PRMT8: variants seen among roughly 807,000 people sequenced by gnomAD.
PRMT8 encodes the protein protein arginine methyltransferase 8, also known as protein arginine N-methyltransferase 8.
A neutral mutation model predicts 47.1 loss-of-function variants in PRMT8; 7 were observed. The ratio of observed to expected loss-of-function variants is 0.15; its 90% CI spans 0.08 to 0.28. The LOEUF is 0.28. PRMT8 is among the 10% of genes least tolerant of loss of function. The probability of loss-of-function intolerance (pLI) is 1.00; values close to 1 mark genes in which losing one functional copy is unlikely to be tolerated. For synonymous variants in PRMT8, 188 were observed against 186.5 expected, an observed-to-expected ratio of 1.01 and a Z score of -0.07; for missense variants, 237 against 505.4, an observed-to-expected ratio of 0.47 and a Z score of 5.09.
At chr12:3,488,976 C>A (rs985822383), upstream of PRMT8, among the ~76,000 whole-genome samples, 38 of 152,300 alleles carry the variant, frequency 2.5e-4, no homozygotes, top group Middle Eastern at 6.8e-3. Context: ...GACAGCTCAA[C>A]AGGGGGCTAG....
At chr12:3,420,198 A>T (rs1367742298) in intron 1 of PRMT8, among the ~76,000 whole-genome samples, 2 of 152,106 alleles carry the variant, frequency 1.3e-5, no homozygotes, top group Non-Finnish European at 2.9e-5. Context: ...CGGCAGACTC[A>T]AAACTCTCTC....
intron 1 of PRMT8, among the ~76,000 whole-genome samples, chr12:3,450,394 A>T (rs541901908): frequency 6.6e-6 from 1 of 152,366 alleles, no homozygotes; most frequent in South Asian, 2.1e-4. Context: ...TCATTATACA[A>T]GAGAAATTAC....
rs2137054992 is a variant in PRMT8 at position 3,409,193 on chromosome 12, G to A, written c.48+27751G>A. On this transcript the variant is annotated intron_variant, in intron 1 of 9. Transcript: ENST00000452611. The surrounding 1 kb of genome is among the most constrained non-coding windows in gnomAD (Gnocchi z 4.4). ...ACAAAGCTGGTGTCGGTGACTCTGAGGCACACTGCAGCAGCTCAGGCCCTG... is the reference window on the plus strand; with the variant it reads ...ACAAAGCTGGTGTCGGTGACTCTGAAGCACACTGCAGCAGCTCAGGCCCTG... Among the ~76,000 whole-genome samples, 1 of 152,294 alleles carries A rather than the reference G, an allele frequency of 6.6e-6. No homozygotes were observed. The highest frequency in any genetic ancestry group is 6.5e-5 in the Admixed American group (1 of 15,300).
At chr12:3,410,855 A>T (rs1038029445) in intron 1 of PRMT8, among the ~76,000 whole-genome samples, 1 of 152,218 alleles carries the variant, frequency 6.6e-6, no homozygotes. Context: ...TTGGTCTGCC[A>T]TAGCAATCCT....
rs75967673 is a variant in PRMT8, at chr12:3,559,296, C to T, written c.481+5582C>T. Among the ~76,000 whole-genome samples, 350 of 152,246 alleles carry T rather than the reference C, an allele frequency of 2.3e-3. 1 individual carries two copies. Among genetic ancestry groups the T allele is most frequent in the Admixed American group, 4.0e-3 (61 of 15,304 alleles). On this transcript the variant is annotated intron_variant, in intron 4 of 9. Coordinates refer to ENST00000382622, the MANE Select transcript of PRMT8 (RefSeq NM_019854.5). ...CAAGACATTCCAGGCTTGTCTTGTGCCTCCATGCCTCTGTTCTGGAATCAG... is the reference window on the plus strand; with the variant it reads ...CAAGACATTCCAGGCTTGTCTTGTGTCTCCATGCCTCTGTTCTGGAATCAG...
At chr12:3,498,313 G>A (rs1437546470) in intron 1 of PRMT8, among the ~76,000 whole-genome samples, 3 of 152,234 alleles carry the variant, frequency 2.0e-5, no homozygotes, top group African/African-American at 7.2e-5. Flanking sequence ...GCTAGGCTGC[G>A]AAGGCATGAG....
At chr12:3,553,889 C>T (rs1368857382) in intron 4 of PRMT8, among the ~76,000 whole-genome samples, 175 bp downstream of exon 4, 2 of 152,212 alleles carry the variant, frequency 1.3e-5, no homozygotes, top group South Asian at 4.1e-4. Flanking sequence ...TTCCCCCCGA[C>T]ACCAGGCCAG....
In PRMT8 at chr12:3,496,215, T is replaced by TATATATATATATATA. The variant is rs1555085719; in HGVS notation, c.75+4515_75+4516insATATATATATATATA. ...TTGGAAACTGATATATATATATATATTTTTTTTTTTTTTTTTTTTTTTTTT... is the reference window on the plus strand; with the variant it reads ...TTGGAAACTGATATATATATATATATATATATATATATATATTTTTTTTTTTTTTTTTTTTTTTTT... On this transcript the variant is annotated intron_variant, in intron 1 of 9. Coordinates refer to ENST00000382622, the MANE Select transcript of PRMT8 (RefSeq NM_019854.5). Among the ~76,000 whole-genome samples the TATATATATATATATA allele has an allele frequency of 2.4e-3, 59 of 24,266 alleles. 2 individuals are homozygous for TATATATATATATATA. Among genetic ancestry groups the TATATATATATATATA allele is most frequent in the South Asian group, 5.0e-3 (3 of 596 alleles). 15.9% of individuals were successfully genotyped at this position (24,266 alleles called of 152,430 possible).
chr12:3,381,471 CCTTT>C, intron 1 of PRMT8: 1 of 1,534,836 alleles, frequency 6.5e-7, no homozygotes, highest in Non-Finnish European at 8.7e-7. Flanking sequence ...TAATTTCTTT[CCTTT>C]CTTCTTCCTG....
chr12:3,592,272 T>C lies in PRMT8; in HGVS notation c.1021T>C (p.Tyr341His). The change falls in exon 9 of 10, where the codon TAC (tyrosine) becomes CAC (histidine). Residue 341 changes from tyrosine to histidine, a missense_variant. Transcript: ENST00000382622. The stretch of plus-strand genomic sequence containing the variant: ...CACCCACTGGAAGCAGACCGTCTTC[T>C]ACTTGGAAGATTACCTCACTGTCCG... ...PYTHWKQTVF[Y>H]LEDYLTVRRG... 6.3e-7 allele frequency: 1 copy of C among 1,596,480 alleles called. No individual in the cohort carries two copies. Among genetic ancestry groups the C allele is most frequent in the Non-Finnish European group, 8.5e-7 (1 of 1,172,804 alleles).
intron 4 of PRMT8, among the ~76,000 whole-genome samples, chr12:3,556,428 G>C (rs898920282): frequency 6.6e-6 from 1 of 152,026 alleles, no homozygotes; most frequent in African/African-American, 2.4e-5. Context: ...AGGGAGGGGG[G>C]CTTGCTCAAC....
Position 3,540,612 on chromosome 12 carries a change from A to G in PRMT8, c.82A>G (p.Ser28Gly). The G allele has an allele frequency of 1.7e-5, 19 of 1,131,114 alleles. No homozygotes were observed. Among genetic ancestry groups the G allele is most frequent in the Non-Finnish European group, 2.4e-5 (18 of 749,200 alleles). The allele number at this position is 1,131,114 out of a possible 1,614,324, so 70.1% of individuals were successfully genotyped here. The change falls in exon 2 of 10, where the codon AGC (serine) becomes GGC (glycine). Residue 28 changes from serine to glycine, a missense_variant. By Grantham distance (56) the Ser-to-Gly change is moderately conservative (BLOSUM62 0). Coordinates refer to ENST00000382622, the MANE Select transcript of PRMT8 (RefSeq NM_019854.5). ...ENAAESTEVN[S>G]PPSQPPQPVV... ...CCCCTTCTCTTCCCCTCAGGTGAAC[A>G]GCCCCCCCTCCCAGCCCCCCCAGCC...
intron 1 of PRMT8, among the ~76,000 whole-genome samples, chr12:3,386,045 C>T (rs904723716): frequency 1.3e-5 from 2 of 152,202 alleles, no homozygotes; most frequent in African/African-American, 4.8e-5. Flanking sequence ...TACTCAAGAG[C>T]TAGTTTTTAG....
At chr12:3,461,552 G>A (rs910038155) in intron 1 of PRMT8, among the ~76,000 whole-genome samples, 6 of 152,282 alleles carry the variant, frequency 3.9e-5, no homozygotes, top group African/African-American at 7.2e-5. Context: ...CTGCCCCAGC[G>A]GAATTAACGG....
intron 7 of PRMT8, among the ~76,000 whole-genome samples, chr12:3,581,114 G>C (rs969896385): frequency 5.3e-5 from 8 of 152,224 alleles, no homozygotes; most frequent in Admixed American, 3.9e-4. Context: ...AACACAGGCT[G>C]CTATAAGTAT....
intron 1 of PRMT8, among the ~76,000 whole-genome samples, chr12:3,450,347 A>C (rs1369831204): frequency 6.6e-6 from 1 of 152,192 alleles, no homozygotes; most frequent in Non-Finnish European, 1.5e-5. Flanking sequence ...AGTCATTTGG[A>C]AAATATTTAT....
chr12:3,552,523 A>T lies in PRMT8; in HGVS notation c.418-1128A>T, dbSNP rs1044999480. On this transcript the variant is annotated intron_variant, in intron 3 of 9. Transcript: ENST00000382622. This position sits in a 1 kb window ranked among gnomAD's most constrained non-coding sequence, Gnocchi z 4.5. ...AACATGGTCGCCTCTTGCAGATCAG[A>T]TGATGACATGGCCAGAGGGGGAGAA... The T allele has an allele frequency of 1.6e-5, 5 of 322,502 alleles. No individual in the cohort carries two copies. The highest frequency in any genetic ancestry group is 1.1e-4 in the African/African-American group (5 of 45,724). The allele number at this position is 322,502 out of a possible 1,614,324, so 20.0% of individuals were successfully genotyped here.
Position 3,540,615 on chromosome 12 carries a change from CCCCCCTCCCAG to C in PRMT8, c.91_101del (p.Ser31ProfsTer7). Reference sequence around the variant, plus strand: ...CTTCTCTTCCCCTCAGGTGAACAGCCCCCCCTCCCAGCCCCCCCAGCCCGTCGTCCCTGCTA... The same window carrying C: ...CTTCTCTTCCCCTCAGGTGAACAGCCCCCCCCCAGCCCGTCGTCCCTGCTA... On this transcript the variant is annotated frameshift_variant, in exon 2 of 10. Transcript: ENST00000382622. LOFTEE classifies it high-confidence loss of function. The C allele has an allele frequency of 9.4e-7, 1 of 1,058,774 alleles. No individual in the cohort carries two copies. Among genetic ancestry groups the C allele is most frequent in the Non-Finnish European group, 1.5e-6 (1 of 684,572 alleles). The allele number at this position is 1,058,774 out of a possible 1,614,324, so 65.6% of individuals were successfully genotyped here. A position where few individuals can be genotyped will look rare whatever the true frequency, so the allele number is the denominator to read the frequency against.
At position 3,453,095 on chromosome 12, in the gene PRMT8, C is replaced by T. The variant is rs1415373486; in HGVS notation, c.48+71653C>T. Among the ~76,000 whole-genome samples the T allele has an allele frequency of 1.3e-5, 2 of 152,160 alleles. No homozygotes were observed. The highest frequency in any genetic ancestry group is 2.9e-5 in the Non-Finnish European group (2 of 68,038). On this transcript the variant is annotated intron_variant, in intron 1 of 9. Transcript: ENST00000452611. The surrounding 1 kb of genome is among the most constrained non-coding windows in gnomAD (Gnocchi z 4.9). Reference sequence around the variant, plus strand: ...GATGAAATGAGGGATGCACAGAGGACACTGCACGGGGAATCAGGTAGGCTG... The same window carrying T: ...GATGAAATGAGGGATGCACAGAGGATACTGCACGGGGAATCAGGTAGGCTG...
Sources: allele counts gnomAD v4.1 joint callset (sites outside exome capture counted in the v4.1 genomes callset), GRCh38; gene constraint gnomAD v4.1.1; non-coding constraint Gnocchi (gnomAD v3.1); transcripts MANE v1.5; gene names NCBI Gene and HGNC (gene_info 2026-07-23, HGNC 2026-07-21).